The following ROR1 variants were observed in gnomAD, a reference collection of about 807,000 sequenced individuals.
ROR1 encodes ROR family WNT receptor 1, also known as inactive tyrosine-protein kinase transmembrane receptor ROR1.
Under a neutral mutation model 78.8 loss-of-function variants are expected in ROR1, and 19 were observed. The observed-to-expected ratio is 0.24, with a 90% confidence interval of 0.17 to 0.35. ROR1 has a LOEUF of 0.35. Ranked by LOEUF, ROR1 falls within the 10% of genes least tolerant of loss-of-function variation. The probability of loss-of-function intolerance (pLI) is 1.00; values close to 1 mark genes in which losing one functional copy is unlikely to be tolerated. For missense variants in ROR1, 917 were observed against 1,177.8 expected, an observed-to-expected ratio of 0.78 and a Z score of 3.24; for synonymous variants, 386 against 433.6, an observed-to-expected ratio of 0.89 and a Z score of 1.36.
intron 1 of ROR1, among the ~76,000 whole-genome samples, chr1:63,866,039 A>G (rs190617565): frequency 6.6e-6 from 1 of 152,152 alleles, no homozygotes; most frequent in East Asian, 1.9e-4. Flanking sequence ...CTCTTCCTTG[A>G]ATAAGGAGTA....
chr1:64,119,920 A>T (rs2806540), intron 4 of ROR1, among the ~76,000 whole-genome samples: 147,990 of 152,292 alleles, frequency 0.97, 72,008 homozygotes, highest in East Asian at 1. Context: ...TGACTTAGAG[A>T]TTTTCAAATG....
intron 1 of ROR1, among the ~76,000 whole-genome samples, chr1:63,854,795 G>A (rs542526065): frequency 6.4e-4 from 97 of 152,288 alleles, no homozygotes; most frequent in African/African-American, 1.9e-3. Context: ...TGGCACATTC[G>A]TTCCAGGACC....
chr1:63,989,744 C>A (rs1646280166), intron 1 of ROR1, among the ~76,000 whole-genome samples: 1 of 151,522 alleles, frequency 6.6e-6, no homozygotes, highest in East Asian at 1.9e-4. Context: ...GTATATCAGT[C>A]AATTCTGGAC....
At chr1:63,852,032 G>A (rs1003888773) in intron 1 of ROR1, among the ~76,000 whole-genome samples, 1 of 152,242 alleles carries the variant, frequency 6.6e-6, no homozygotes, top group East Asian at 1.9e-4. Context: ...ATTAGGTCAC[G>A]TAGATATTCC....
intron 2 of ROR1, among the ~76,000 whole-genome samples, chr1:64,027,504 A>G (rs756088484): frequency 3.6e-4 from 55 of 152,102 alleles, no homozygotes; most frequent in Non-Finnish European, 6.2e-4. Context: ...ATTCACTTGC[A>G]TCTCCCTTTT....
intron 4 of ROR1, among the ~76,000 whole-genome samples, chr1:64,072,608 T>G (rs897165603): frequency 6.6e-6 from 1 of 152,180 alleles, no homozygotes; most frequent in Non-Finnish European, 1.5e-5. Context: ...CAAAGCCTGT[T>G]GTTGACAGAA....
At chr1:63,948,083 C>A (rs2100466092) in intron 1 of ROR1, among the ~76,000 whole-genome samples, 2 of 152,164 alleles carry the variant, frequency 1.3e-5, no homozygotes, top group Middle Eastern at 6.8e-3. Flanking sequence ...ATCACTTGGC[C>A]AAGGTCACAC....
At chr1:63,993,631 T>C (rs1183657849) in intron 1 of ROR1, among the ~76,000 whole-genome samples, 1 of 152,184 alleles carries the variant, frequency 6.6e-6, no homozygotes, top group Non-Finnish European at 1.5e-5. Flanking sequence ...TATGAGTACT[T>C]TGCTTTTATT....
At chr1:63,920,020 T>C (rs1466486600) in intron 1 of ROR1, among the ~76,000 whole-genome samples, 1 of 152,206 alleles carries the variant, frequency 6.6e-6, no homozygotes, top group African/African-American at 2.4e-5. Context: ...AGAAATGCAG[T>C]TATTTTTATT....
Position 63,774,344 on chromosome 1 carries a change from G to A in ROR1, c.-74G>A. ...AGCGGCCGGGACGAGGCGGCCGGGAGCCCGGGAAGAGCCCGTGGATGTTCT... is the reference window on the plus strand; with the variant it reads ...AGCGGCCGGGACGAGGCGGCCGGGAACCCGGGAAGAGCCCGTGGATGTTCT... On this transcript the variant is annotated 5_prime_UTR_variant, in exon 1 of 9. Coordinates refer to ENST00000371079, the MANE Select transcript of ROR1 (RefSeq NM_005012.4). The surrounding 1 kb of genome is among the most constrained non-coding windows in gnomAD (Gnocchi z 5.7). 3.0e-6 allele frequency: 3 copies of A among 1,007,682 alleles called. No homozygotes were observed. The highest frequency in any genetic ancestry group is 1.7e-5 in the South Asian group (1 of 58,214). 62.4% of individuals were successfully genotyped at this position (1,007,682 alleles called of 1,614,324 possible).
At chr1:64,121,845 A>G (rs1357983315) in intron 4 of ROR1, among the ~76,000 whole-genome samples, 1 of 152,044 alleles carries the variant, frequency 6.6e-6, no homozygotes, top group East Asian at 1.9e-4. Context: ...TTTTCCTTCC[A>G]TTTCTTCCTG....
At chr1:63,868,123 C>G (rs941019807) in intron 1 of ROR1, among the ~76,000 whole-genome samples, 1 of 150,680 alleles carries the variant, frequency 6.6e-6, no homozygotes, top group African/African-American at 2.5e-5. Flanking sequence ...GAAATACTAG[C>G]GCAGTTTTTG....
In ROR1 at chr1:64,179,960, T is replaced by TC. The variant is rs1324800018; in HGVS notation, c.*1108dup. The stretch of plus-strand genomic sequence containing the variant: ...TGCTGGAAATGTTCACAGATTTGAT[T>TC]CCCGCCCCAAGAATTACAACAATGT... On this transcript the variant is annotated 3_prime_UTR_variant, in exon 9 of 9. Coordinates refer to ENST00000371079, the MANE Select transcript of ROR1 (RefSeq NM_005012.4). 3 of 152,160 alleles carry TC rather than the reference T, an allele frequency of 2.0e-5. No homozygotes were observed. The highest frequency in any genetic ancestry group is 4.4e-5 in the Non-Finnish European group (3 of 68,026). 9.4% of individuals were successfully genotyped at this position (152,160 alleles called of 1,614,324 possible).
chr1:64,002,614 T>G (rs1205695198), intron 1 of ROR1, among the ~76,000 whole-genome samples: 1 of 152,222 alleles, frequency 6.6e-6, no homozygotes, highest in Non-Finnish European at 1.5e-5. Flanking sequence ...TTGTGGTGCT[T>G]TTTGTAGCAT....
chr1:63,990,662 A>G (rs1646288546), intron 1 of ROR1, among the ~76,000 whole-genome samples: 2 of 152,184 alleles, frequency 1.3e-5, no homozygotes, highest in South Asian at 2.1e-4. Context: ...AAATATTTGA[A>G]TGGTGCTCTG....
At chr1:64,121,925 T>G (rs1311068122) in intron 4 of ROR1, among the ~76,000 whole-genome samples, 1 of 152,220 alleles carries the variant, frequency 6.6e-6, no homozygotes, top group East Asian at 1.9e-4. Context: ...GGTTAGCTAC[T>G]TCTTCCTCTT....
chr1:63,914,633 T>A (rs1217592121), intron 1 of ROR1, among the ~76,000 whole-genome samples: 1 of 152,180 alleles, frequency 6.6e-6, no homozygotes, highest in Admixed American at 6.5e-5. Flanking sequence ...TTCCAGATTG[T>A]TCTATTAACC....
chr1:64,032,839 G>T (rs1054780980), intron 2 of ROR1, among the ~76,000 whole-genome samples: 1 of 152,154 alleles, frequency 6.6e-6, no homozygotes, highest in African/African-American at 2.4e-5. Flanking sequence ...GATGGAAAAG[G>T]TAAGAAAATA....
In ROR1 at chr1:64,159,091, C is replaced by T. The variant is rs747183915; in HGVS notation, c.1285C>T (p.Arg429Trp). 17 of 1,613,884 alleles carry T rather than the reference C, an allele frequency of 1.1e-5. No homozygotes were observed. The Middle Eastern group carries it at 4.9e-4, about 47-fold the overall frequency. Residue 429 changes from arginine (R) to tryptophan (W), a missense_variant, in exon 8 of 9, where the codon CGG becomes TGG. By Grantham distance (101) the Arg-to-Trp change is moderately radical. Transcript: ENST00000371079. ...ACTCTTCTTCTTCATTTGCGTCTGT[C>T]GGAATAACCAGAAGTCATCGTCGGC... ...ALLFFFICVC[R>W]NNQKSSSAPV...
Sources: gnomAD v4.1 joint callset for allele counts (sites outside exome capture counted in the v4.1 genomes callset) on GRCh38, gnomAD v4.1.1 for gene constraint, Gnocchi (gnomAD v3.1) non-coding constraint, MANE v1.5 for transcripts, NCBI Gene and HGNC (gene_info 2026-07-23, HGNC 2026-07-21) for gene names.